JAM2: variants seen among roughly 807,000 people sequenced by gnomAD.
JAM2 encodes the protein junctional adhesion molecule 2.
A neutral mutation model predicts 42.0 loss-of-function variants in JAM2; 17 were observed. The ratio of observed to expected loss-of-function variants is 0.40; its 90% CI spans 0.28 to 0.61. The LOEUF (loss-of-function observed/expected upper bound fraction) is 0.61. Among genes scored for constraint, JAM2 ranks in the 20% least tolerant of loss-of-function variants. JAM2 has a pLI of 0.37. For synonymous variants in JAM2, 118 were observed against 128.6 expected, an observed-to-expected ratio of 0.92 and a Z score of 0.56; for missense variants, 319 against 358.3, an observed-to-expected ratio of 0.89 and a Z score of 0.89.
chr21:25,709,491 A>G, intron 8 of JAM2, 42 bp downstream of exon 8: 1 of 1,336,894 alleles, frequency 7.5e-7, no homozygotes, highest in Non-Finnish European at 1.1e-6. Context: ...CTCCTATGTC[A>G]ACTAATTTTC....
intron 1 of JAM2, among the ~76,000 whole-genome samples, chr21:25,647,174 C>T (rs1047750854): frequency 2.6e-5 from 4 of 152,170 alleles, no homozygotes; most frequent in African/African-American, 4.8e-5. Context: ...AATTGTTAAA[C>T]ACATTTTCTT....
chr21:25,706,854 C>T (rs1366434772), intron 7 of JAM2, among the ~76,000 whole-genome samples: 1 of 152,150 alleles, frequency 6.6e-6, no homozygotes, highest in Admixed American at 6.5e-5. Flanking sequence ...ATTCTCCTGC[C>T]TCAGCCTCCC....
intron 7 of JAM2, among the ~76,000 whole-genome samples, 167 bp downstream of exon 7, chr21:25,706,253 C>T (rs2068650931): frequency 2.0e-5 from 3 of 152,042 alleles, no homozygotes; most frequent in Admixed American, 2.0e-4. Context: ...AAAATCTCCA[C>T]TCAATACAAC....
intron 2 of JAM2, among the ~76,000 whole-genome samples, chr21:25,685,663 G>A (rs1425742454): frequency 6.6e-6 from 1 of 151,520 alleles, no homozygotes; most frequent in Non-Finnish European, 1.5e-5. Flanking sequence ...GAACACTCTG[G>A]TATGAGTTAG....
intron 4 of JAM2, among the ~76,000 whole-genome samples, chr21:25,697,462 G>A (rs1156676443): frequency 6.6e-6 from 1 of 152,104 alleles, no homozygotes; most frequent in Admixed American, 6.5e-5. Context: ...GGGTTTTGCT[G>A]GATAATAAAT....
chr21:25,656,482 C>G (rs1389805107), intron 1 of JAM2, among the ~76,000 whole-genome samples: 6 of 151,994 alleles, frequency 3.9e-5, no homozygotes, highest in Non-Finnish European at 8.8e-5. Flanking sequence ...CCTTGAAGAC[C>G]CCAAATCTAT....
intron 8 of JAM2, chr21:25,711,350 CCTT>C (rs1394092781): frequency 2.0e-5 from 9 of 448,552 alleles, no homozygotes; most frequent in Middle Eastern, 3.3e-4. Flanking sequence ...TTATGACTGT[CCTT>C]CTTGTATGTA....
chr21:25,658,368 T>C (rs1316608244), intron 1 of JAM2, among the ~76,000 whole-genome samples: 7 of 152,106 alleles, frequency 4.6e-5, no homozygotes, highest in African/African-American at 1.7e-4. Context: ...ACTAAATGTG[T>C]CTCTAAAGAC....
chr21:25,658,491 C>CA (rs2032997822), intron 1 of JAM2, among the ~76,000 whole-genome samples: 1 of 151,812 alleles, frequency 6.6e-6, no homozygotes, highest in Non-Finnish European at 1.5e-5. Context: ...TAGTAGGAGG[C>CA]AAAAAACTGA....
At chr21:25,708,321 C>G (rs1215559285) in intron 7 of JAM2, among the ~76,000 whole-genome samples, 1 of 152,092 alleles carries the variant, frequency 6.6e-6, no homozygotes, top group Non-Finnish European at 1.5e-5. Flanking sequence ...GCATTCCCAA[C>G]ACTTTGGGAG....
chr21:25,649,045 C>T (rs530261717), intron 1 of JAM2, among the ~76,000 whole-genome samples: 1 of 152,292 alleles, frequency 6.6e-6, no homozygotes, highest in African/African-American at 2.4e-5. Flanking sequence ...AATATAAAGA[C>T]TGGTCTGCCT....
chr21:25,677,727 C>T (rs984305021), intron 1 of JAM2, among the ~76,000 whole-genome samples: 4 of 152,106 alleles, frequency 2.6e-5, no homozygotes, highest in African/African-American at 9.7e-5. Flanking sequence ...CGAGGTTTTC[C>T]TCGACTGGTT....
intron 1 of JAM2, among the ~76,000 whole-genome samples, chr21:25,675,528 AAGAG>A (rs1209240632): frequency 2.7e-5 from 4 of 145,954 alleles, no homozygotes; most frequent in African/African-American, 1.0e-4. Flanking sequence ...GAGAGAGAGA[AAGAG>A]AGAGAGAGAG....
rs541544224 is a variant in JAM2, at chr21:25,661,694, G to A, written c.67+21806G>A. On this transcript the variant is annotated intron_variant, in intron 1 of 9. Transcript: ENST00000480456. ...AATTTCATTTCAGGATAATAAAGGA[G>A]GCATCAAAATTTATTATAAAATGAG... 8.4e-4 allele frequency among the ~76,000 whole-genome samples: 127 copies of A among 151,496 alleles called. 2 individuals carry two copies. The highest frequency in any genetic ancestry group is 6.5e-3 in the South Asian group (31 of 4,796).
intron 1 of JAM2, 83 bp downstream of exon 1, chr21:25,639,971 A>T: frequency 9.6e-7 from 1 of 1,045,736 alleles, no homozygotes. Context: ...GCTGGCTGAC[A>T]GTGTCTGGGC....
intron 4 of JAM2, among the ~76,000 whole-genome samples, chr21:25,696,325 C>G (rs527245365): frequency 6.6e-6 from 1 of 152,046 alleles, no homozygotes; most frequent in Non-Finnish European, 1.5e-5. Context: ...TGCAGTGAGC[C>G]GAGATGGCAG....
At chr21:25,651,061 CAA>C (rs35308745) in intron 1 of JAM2, among the ~76,000 whole-genome samples, 15,315 of 71,660 alleles carry the variant, frequency 0.21, 825 homozygotes, top group East Asian at 0.46. Flanking sequence ...CTCCCCCCGC[CAA>C]AAAAAAAAAA....
chr21:25,700,337 G>A (rs185483919), intron 5 of JAM2, among the ~76,000 whole-genome samples: 7 of 151,756 alleles, frequency 4.6e-5, no homozygotes, highest in East Asian at 3.9e-4. Flanking sequence ...ACTTAAAGGC[G>A]TGGTGATAAT....
intron 1 of JAM2, among the ~76,000 whole-genome samples, chr21:25,646,530 G>A (rs148419973): frequency 6.6e-6 from 1 of 152,012 alleles, no homozygotes; most frequent in Admixed American, 6.6e-5. Context: ...GGCCTTCTAA[G>A]TTCCAAAGTG....
Sources: gnomAD v4.1 joint callset for allele counts (sites outside exome capture counted in the v4.1 genomes callset) on GRCh38, gnomAD v4.1.1 for gene constraint, MANE v1.5 for transcripts, NCBI Gene and HGNC (gene_info 2026-07-23, HGNC 2026-07-21) for gene names.